The following CELF4 variants were observed in gnomAD, a reference collection of about 807,000 sequenced individuals.
CELF4 encodes the protein CUGBP Elav-like family member 4.
Under a neutral mutation model 59.9 loss-of-function variants are expected in CELF4, and 18 were observed. The observed-to-expected ratio is 0.30, with a 90% CI of 0.21 to 0.45. The LOEUF is 0.45. CELF4 is among the 20% of genes least tolerant of loss of function. CELF4 has a pLI of 1.00. For missense variants in CELF4, 456 were observed against 689.0 expected, an observed-to-expected ratio of 0.66 and a Z score of 3.79; for synonymous variants, 261 against 267.1, an observed-to-expected ratio of 0.98 and a Z score of 0.22.
chr18:37,555,821 A>G (rs2099984609), intron 1 of CELF4, among the ~76,000 whole-genome samples: 1 of 152,156 alleles, frequency 6.6e-6, no homozygotes, highest in African/African-American at 2.4e-5. Flanking sequence ...GTGAAAATTG[A>G]CCTTTGTTGC....
Position 37,336,473 on chromosome 18 carries a change from C to T in CELF4, c.370-14592G>A, listed in dbSNP as rs570191100. Among the ~76,000 whole-genome samples, 23 of 152,346 alleles carry T rather than the reference C, an allele frequency of 1.5e-4. 1 individual carries two copies. The South Asian group carries it at 4.8e-3, about 32-fold the overall frequency. On this transcript the variant is annotated intron_variant, in intron 2 of 12. Coordinates refer to ENST00000420428, the MANE Select transcript of CELF4 (RefSeq NM_020180.4). Reference sequence around the variant, plus strand: ...CTGAGATCACATGCATGAGCCACCCCATGTGGCCTATCCTGTGTAGTTCTT... The same window carrying T: ...CTGAGATCACATGCATGAGCCACCCTATGTGGCCTATCCTGTGTAGTTCTT...
At chr18:37,499,072 G>T (rs1317840276) in intron 1 of CELF4, among the ~76,000 whole-genome samples, 1 of 152,198 alleles carries the variant, frequency 6.6e-6, no homozygotes, top group Non-Finnish European at 1.5e-5. Flanking sequence ...GGACCTGTGT[G>T]TGTTCTTTGG....
chr18:37,446,158 C>G (rs1310435388), intron 2 of CELF4, among the ~76,000 whole-genome samples: 1 of 152,180 alleles, frequency 6.6e-6, no homozygotes, highest in African/African-American at 2.4e-5. Context: ...GGTGGTGGGG[C>G]TGTGTCCAGG....
At chr18:37,551,861 C>T (rs1223619640) in intron 1 of CELF4, among the ~76,000 whole-genome samples, 1 of 152,200 alleles carries the variant, frequency 6.6e-6, no homozygotes, top group Non-Finnish European at 1.5e-5. Flanking sequence ...ATGACTGATT[C>T]TCCCTCAGCC....
Position 37,410,524 on chromosome 18 carries a change from G to A in CELF4, c.369+75001C>T, listed in dbSNP as rs532888126. On this transcript the variant is annotated intron_variant, in intron 2 of 12. Coordinates refer to ENST00000420428, the MANE Select transcript of CELF4 (RefSeq NM_020180.4). The stretch of plus-strand genomic sequence containing the variant: ...GGCTTGACATCATGCCTGTGTGTTC[G>A]TGTGTGCGTGTGGGCATCCCTGCAC... 5.3e-5 allele frequency among the ~76,000 whole-genome samples: 8 copies of A among 152,340 alleles called. No individual in the cohort carries two copies. The East Asian group carries it at 1.4e-3, about 26-fold the overall frequency.
chr18:37,334,452 C>T (rs1456203952), intron 2 of CELF4, among the ~76,000 whole-genome samples: 4 of 152,072 alleles, frequency 2.6e-5, no homozygotes, highest in African/African-American at 9.7e-5. Context: ...CCAGCTGTGA[C>T]TGGCCCTTCC....
At position 37,458,333 on chromosome 18, in the gene CELF4, G is replaced by T. The variant is rs1414155092; in HGVS notation, c.369+27192C>A. Among the ~76,000 whole-genome samples, 3 of 152,290 alleles carry T rather than the reference G, an allele frequency of 2.0e-5. No homozygotes were observed. The East Asian group carries it at 5.8e-4, about 29-fold the overall frequency. On this transcript the variant is annotated intron_variant, in intron 2 of 12. Coordinates refer to ENST00000420428, the MANE Select transcript of CELF4 (RefSeq NM_020180.4). ...GTGCACACTAGAACTCTTGCCTCTG[G>T]GAGTTTTCTTTGCCCTAGTAAGGAT...
intron 2 of CELF4, among the ~76,000 whole-genome samples, chr18:37,435,790 C>T (rs1450264560): frequency 1.3e-5 from 2 of 152,184 alleles, no homozygotes; most frequent in Non-Finnish European, 2.9e-5. Flanking sequence ...CCCACCCTAG[C>T]GTGTCTTCCA....
At chr18:37,268,458 A>G (rs1378538283) in intron 8 of CELF4, among the ~76,000 whole-genome samples, 3 of 152,238 alleles carry the variant, frequency 2.0e-5, no homozygotes, top group Non-Finnish European at 2.9e-5. Flanking sequence ...AAATTAGAAA[A>G]GGGTGCCCCT....
In CELF4 at chr18:37,314,507, C is replaced by G. The variant is rs148012470; in HGVS notation, c.448+7296G>C. Among the ~76,000 whole-genome samples the G allele has an allele frequency of 5.1e-4, 77 of 152,260 alleles. No individual in the cohort carries two copies. The East Asian group carries it at 0.014, about 28-fold the overall frequency. On this transcript the variant is annotated intron_variant, in intron 3 of 12. Coordinates refer to ENST00000420428, the MANE Select transcript of CELF4 (RefSeq NM_020180.4). Reference sequence around the variant, plus strand: ...AGAAAGAAAAGGAAAGAAAGATACACGGGCATGGGCTCCCAGGTCCAGATA... The same window carrying G: ...AGAAAGAAAAGGAAAGAAAGATACAGGGGCATGGGCTCCCAGGTCCAGATA...
chr18:37,426,016 C>T (rs1569569364), intron 2 of CELF4, among the ~76,000 whole-genome samples: 1 of 152,196 alleles, frequency 6.6e-6, no homozygotes, highest in African/African-American at 2.4e-5. Flanking sequence ...GGGACAGTGG[C>T]CACTGGGATC....
chr18:37,559,054 T>A (rs1302924862), intron 1 of CELF4, among the ~76,000 whole-genome samples: 2 of 152,062 alleles, frequency 1.3e-5, no homozygotes, highest in African/African-American at 2.4e-5. Context: ...CCAGGACTTC[T>A]GGATGGGGAT....
intron 2 of CELF4, among the ~76,000 whole-genome samples, chr18:37,379,763 G>C (rs13382002): frequency 0.37 from 56,857 of 151,986 alleles, 10,905 homozygotes; most frequent in Non-Finnish European, 0.41. Flanking sequence ...AGCAGAGCTG[G>C]AGAGGTTCTC....
At chr18:37,346,581 T>C (rs760094032) in intron 2 of CELF4, among the ~76,000 whole-genome samples, 13 of 152,076 alleles carry the variant, frequency 8.5e-5, no homozygotes, top group Non-Finnish European at 7.4e-5. Context: ...ATGAGCCATG[T>C]TCAGTTAGGA....
chr18:37,368,582 C>T (rs1333558856), intron 2 of CELF4, among the ~76,000 whole-genome samples: 1 of 152,200 alleles, frequency 6.6e-6, no homozygotes, highest in Non-Finnish European at 1.5e-5. Context: ...ATTTCAAATC[C>T]AATTTTCTGC....
chr18:37,247,294 T>A (rs2062590002), intron 12 of CELF4: 2 of 150,600 alleles, frequency 1.3e-5, no homozygotes, highest in African/African-American at 5.0e-5. Flanking sequence ...TGGAATTTGA[T>A]TGAATGACAA....
At chr18:37,367,316 G>A (rs2098797544) in intron 2 of CELF4, among the ~76,000 whole-genome samples, 1 of 152,050 alleles carries the variant, frequency 6.6e-6, no homozygotes, top group Non-Finnish European at 1.5e-5. Context: ...GGAGCAGCCA[G>A]ACTGGAGGCA....
chr18:37,336,561 G>T (rs1569565988), intron 2 of CELF4, among the ~76,000 whole-genome samples: 1 of 152,158 alleles, frequency 6.6e-6, no homozygotes, highest in Non-Finnish European at 1.5e-5. Flanking sequence ...TTGTCCACCT[G>T]CCATTTCCAA....
chr18:37,475,108 T>C (rs910930861), intron 2 of CELF4, among the ~76,000 whole-genome samples: 1 of 152,194 alleles, frequency 6.6e-6, no homozygotes, highest in African/African-American at 2.4e-5. Context: ...TGGAAGCTGG[T>C]CTGCCTGATA....
Sources: gnomAD v4.1 joint callset for allele counts (sites outside exome capture counted in the v4.1 genomes callset) on GRCh38, gnomAD v4.1.1 for gene constraint, MANE v1.5 for transcripts, NCBI Gene and HGNC (gene_info 2026-07-23, HGNC 2026-07-21) for gene names.